Variants in ROCK1 observed in about 807,000 individuals in gnomAD.
The protein encoded by ROCK1 is rho-associated protein kinase 1.
A neutral mutation model predicts 196.8 loss-of-function variants in ROCK1; 36 were observed. The ratio of observed to expected loss-of-function variants is 0.18; its 90% CI spans 0.14 to 0.24. The LOEUF (loss-of-function observed/expected upper bound fraction) is 0.24. Ranked by LOEUF, ROCK1 falls within the 10% of genes least tolerant of loss-of-function variation. The pLI, the probability that ROCK1 is intolerant of heterozygous loss-of-function variation, is 1.00. For missense variants in ROCK1, 920 were observed against 1,562.0 expected (o/e 0.59, Z 6.93); for synonymous variants, 443 against 515.9 (o/e 0.86, Z 1.91).
At chr18:21,065,006 G>C (rs546382431) in intron 2 of ROCK1, among the ~76,000 whole-genome samples, 2 of 152,280 alleles carry the variant, frequency 1.3e-5, no homozygotes, top group African/African-American at 4.8e-5. Context: ...TATGCTACTG[G>C]CATTAAGAAG....
At chr18:21,070,680 G>T in intron 1 of ROCK1, 67 bp from the exon 2 acceptor site, 1 of 954,824 alleles carries the variant, frequency 1.0e-6, no homozygotes, top group South Asian at 1.8e-5. Flanking sequence ...TTTTATGAAA[G>T]AATAAAATAT....
At chr18:21,031,604 CAAAAAAA>C (rs781463990) in intron 9 of ROCK1, among the ~76,000 whole-genome samples, 3 of 51,894 alleles carry the variant, frequency 5.8e-5, no homozygotes, top group South Asian at 7.3e-4. Context: ...GACTCCATCT[CAAAAAAA>C]AAAAAAAAAA....
rs1181081602 is a variant in ROCK1 at position 21,006,794 on chromosome 18, G to C, written c.1547-4C>G. On this transcript the variant is annotated splice_polypyrimidine_tract_variant and splice_region_variant and intron_variant, in intron 14 of 32. Transcript: ENST00000399799. ...AACTGATCCTTTAATGTAGAAACTAGAAAATGAAAGAATAATATATAGAAA... is the reference window on the plus strand; with the variant it reads ...AACTGATCCTTTAATGTAGAAACTACAAAATGAAAGAATAATATATAGAAA... 6.7e-7 allele frequency: 1 copy of C among 1,499,416 alleles called. No homozygotes were observed. Among genetic ancestry groups the C allele is most frequent in the Admixed American group, 2.0e-5 (1 of 49,042 alleles). The allele number at this position is 1,499,416 out of a possible 1,614,324, so 92.9% of individuals were successfully genotyped here.
intron 9 of ROCK1, among the ~76,000 whole-genome samples, chr18:21,035,403 C>T (rs888897742): frequency 1.3e-5 from 2 of 152,142 alleles, no homozygotes; most frequent in East Asian, 3.9e-4. Context: ...CTCATGCCTA[C>T]AATCCCTGCA....
At chr18:21,055,993 C>T (rs976567794) in intron 2 of ROCK1, among the ~76,000 whole-genome samples, 3 of 152,202 alleles carry the variant, frequency 2.0e-5, no homozygotes, top group Admixed American at 2.0e-4. Context: ...TCCTGATACA[C>T]TTTCTTTACT....
At chr18:20,987,189 T>G in intron 18 of ROCK1, 79 bp from the exon 19 acceptor site, 1 of 1,254,236 alleles carries the variant, frequency 8.0e-7, no homozygotes, top group South Asian at 1.3e-5. Context: ...GGCTGTAAAC[T>G]GGTTTCAAAT....
chr18:20,957,988 G>C (rs2035262708), intron 29 of ROCK1, among the ~76,000 whole-genome samples: 3 of 152,022 alleles, frequency 2.0e-5, no homozygotes, highest in Admixed American at 6.6e-5. Flanking sequence ...TTTAAATCTT[G>C]TATTGAGTGA....
intron 18 of ROCK1, among the ~76,000 whole-genome samples, chr18:20,989,361 T>C (rs1407245531): frequency 2.0e-5 from 3 of 152,286 alleles, no homozygotes; most frequent in South Asian, 4.1e-4. Context: ...TTAGTGAGAA[T>C]AAAGAATAAG....
At chr18:20,998,245 G>GA (rs2035690041) in intron 16 of ROCK1, among the ~76,000 whole-genome samples, 1 of 152,056 alleles carries the variant, frequency 6.6e-6, no homozygotes, top group Non-Finnish European at 1.5e-5. Flanking sequence ...AATATTTCCT[G>GA]AAACAAATGA....
At chr18:20,973,498 G>A (rs147597892) in intron 22 of ROCK1, among the ~76,000 whole-genome samples, 3 of 151,682 alleles carry the variant, frequency 2.0e-5, no homozygotes, top group Non-Finnish European at 4.4e-5. Context: ...GGCTGGTAGC[G>A]AACTCTTGAC....
At chr18:20,998,596 A>AAT (rs2035693388) in intron 16 of ROCK1, among the ~76,000 whole-genome samples, 1 of 136,218 alleles carries the variant, frequency 7.3e-6, no homozygotes, top group African/African-American at 2.9e-5. Context: ...ATTTTACCAA[A>AAT]CTTTTTTTTT....
At chr18:20,988,355 C>T (rs1394519610) in intron 18 of ROCK1, among the ~76,000 whole-genome samples, 1 of 151,918 alleles carries the variant, frequency 6.6e-6, no homozygotes, top group East Asian at 1.9e-4. Flanking sequence ...GGTGTGGGTC[C>T]CCGCACCCGG....
At chr18:21,010,000 T>C (rs943721675) in intron 13 of ROCK1, among the ~76,000 whole-genome samples, 72 of 152,208 alleles carry the variant, frequency 4.7e-4, no homozygotes, top group African/African-American at 1.7e-3. Context: ...GAACTGTTCA[T>C]AGGATTTCCT....
chr18:21,039,689 A>C lies in ROCK1; in HGVS notation c.960-126T>G, dbSNP rs1235431488. The stretch of plus-strand genomic sequence containing the variant: ...ACAAATATAGTTCTAAGGTGAAATT[A>C]TATTGTCAGCATAGTATCAGCCCAA... On this transcript the variant is annotated intron_variant, in intron 8 of 32. Coordinates refer to ENST00000399799, the MANE Select transcript of ROCK1 (RefSeq NM_005406.3). 4.6e-6 allele frequency: 3 copies of C among 647,704 alleles called. No homozygotes were observed. The African/African-American group carries it at 5.5e-5, about 12-fold the overall frequency. The allele number at this position is 647,704 out of a possible 1,614,324, so 40.1% of individuals were successfully genotyped here. A position where few individuals can be genotyped will look rare whatever the true frequency, so the allele number is the denominator to read the frequency against.
rs190978095 is a variant in ROCK1 at position 21,102,635 on chromosome 18, G to A, written c.93+8183C>T. 1.6e-3 allele frequency among the ~76,000 whole-genome samples: 249 copies of A among 152,290 alleles called. 2 individuals are homozygous for A. Among genetic ancestry groups the A allele is most frequent in the South Asian group, 0.015 (72 of 4,824 alleles). ...CTCACGCCTGTAATCCTTACACTTTGGGAAGCTGAGGCCAATGGCTCACTT... is the reference window on the plus strand; with the variant it reads ...CTCACGCCTGTAATCCTTACACTTTAGGAAGCTGAGGCCAATGGCTCACTT... On this transcript the variant is annotated intron_variant, in intron 1 of 32. Transcript: ENST00000399799.
At chr18:21,100,946 C>A (rs1382711174) in intron 1 of ROCK1, among the ~76,000 whole-genome samples, 5 of 152,186 alleles carry the variant, frequency 3.3e-5, no homozygotes, top group Admixed American at 6.5e-5. Flanking sequence ...ACTGTACCAT[C>A]CCTACCAGTT....
intron 12 of ROCK1, among the ~76,000 whole-genome samples, chr18:21,016,297 C>T (rs1173584627): frequency 3.3e-5 from 5 of 152,152 alleles, no homozygotes; most frequent in East Asian, 1.9e-4. Context: ...TTGTCATCCA[C>T]GTTTAAGGAC....
chr18:21,092,921 G>A (rs1031907211), intron 1 of ROCK1, among the ~76,000 whole-genome samples: 4 of 152,100 alleles, frequency 2.6e-5, no homozygotes, highest in Non-Finnish European at 5.9e-5. Flanking sequence ...TTTGGCAAAC[G>A]GCTGGCAATA....
chr18:20,960,235 C>T (rs2035314157), intron 27 of ROCK1, 29 bp from the exon 28 acceptor site: 2 of 1,325,320 alleles, frequency 1.5e-6, no homozygotes, highest in South Asian at 1.2e-5. Flanking sequence ...ATGTATTAGT[C>T]AGTCTTAAAT....
Sources: gnomAD v4.1 joint callset for allele counts (sites outside exome capture counted in the v4.1 genomes callset) on GRCh38, gnomAD v4.1.1 for gene constraint, MANE v1.5 for transcripts, NCBI Gene and HGNC (gene_info 2026-07-23, HGNC 2026-07-21) for gene names.